OSBPL1A: variants seen among roughly 807,000 people sequenced by gnomAD.
OSBPL1A encodes the protein oxysterol binding protein like 1A.
A neutral mutation model predicts 137.1 loss-of-function variants in OSBPL1A; 80 were observed. The ratio of observed to expected loss-of-function variants is 0.58; its 90% confidence interval spans 0.49 to 0.70. The LOEUF (loss-of-function observed/expected upper bound fraction) is 0.70, where lower values mean the gene tolerates loss of function less well. OSBPL1A is among the 30% of genes least tolerant of loss of function. The pLI, the probability that OSBPL1A is intolerant of heterozygous loss-of-function variation, is 0.00. For missense variants in OSBPL1A, 970 were observed against 1,129.4 expected (o/e 0.86, Z 2.02); for synonymous variants, 365 against 389.7 (o/e 0.94, Z 0.75).
chr18:24,391,221 A>G (rs1907333942), intron 1 of OSBPL1A, among the ~76,000 whole-genome samples: 1 of 152,224 alleles, frequency 6.6e-6, no homozygotes, highest in South Asian at 2.1e-4. Context: ...CACTTAGATG[A>G]GACAGCTAAA....
chr18:24,229,565 G>A (rs2088202410), intron 16 of OSBPL1A, among the ~76,000 whole-genome samples: 1 of 152,116 alleles, frequency 6.6e-6, no homozygotes, highest in Non-Finnish European at 1.5e-5. Context: ...CGTTTCATGT[G>A]GAGACTCATG....
rs1023001970 is a variant in OSBPL1A at position 24,214,570 on chromosome 18, G to A, written c.1601+10472C>T. Among the ~76,000 whole-genome samples the A allele has an allele frequency of 3.9e-5, 6 of 152,174 alleles. No individual in the cohort carries two copies. In the East Asian group the frequency reaches 7.7e-4, roughly 20 times the overall value. On this transcript the variant is annotated intron_variant, in intron 17 of 27. Coordinates refer to ENST00000319481, the MANE Select transcript of OSBPL1A (RefSeq NM_080597.4). Reference sequence around the variant, plus strand: ...ACTTGAACACCTCCAGTTGGATTAGGAGGCTGATGGTAGCAGTAGGCTGTT... The same window carrying A: ...ACTTGAACACCTCCAGTTGGATTAGAAGGCTGATGGTAGCAGTAGGCTGTT...
chr18:24,262,611 C>G (rs2089466725), intron 15 of OSBPL1A, among the ~76,000 whole-genome samples: 1 of 152,064 alleles, frequency 6.6e-6, no homozygotes, highest in African/African-American at 2.4e-5. Flanking sequence ...TATACAATAC[C>G]TTTATGTTAA....
intron 16 of OSBPL1A, among the ~76,000 whole-genome samples, chr18:24,232,064 G>A (rs193279062): frequency 1.1e-4 from 16 of 152,214 alleles, no homozygotes; most frequent in East Asian, 3.9e-4. Context: ...TATTGTTTAC[G>A]GTTTCCCACG....
At chr18:24,244,117 C>T (rs1415036951) in intron 15 of OSBPL1A, among the ~76,000 whole-genome samples, 1 of 152,186 alleles carries the variant, frequency 6.6e-6, no homozygotes, top group East Asian at 1.9e-4. Flanking sequence ...ATTCACCTTA[C>T]TTTTGAACTG....
At chr18:24,359,164 G>C (rs1024010561) in intron 4 of OSBPL1A, among the ~76,000 whole-genome samples, 1 of 152,114 alleles carries the variant, frequency 6.6e-6, no homozygotes, top group African/African-American at 2.4e-5. Context: ...GTTGCAGTGA[G>C]CTGAGATTGC....
At chr18:24,368,546 A>G (rs537301315) in intron 2 of OSBPL1A, 174 bp from the exon 3 acceptor site, 1 of 564,606 alleles carries the variant, frequency 1.8e-6, no homozygotes. Context: ...GAGAACTCAC[A>G]AGGTGCAGAT....
chr18:24,376,965 C>T lies in OSBPL1A; in HGVS notation c.121+448G>A, dbSNP rs539795362. The stretch of plus-strand genomic sequence containing the variant: ...GCAGCCCTGGTTCCCGCTAGCGCCT[C>T]TCCTTCCACACCTCCCTGCAAGCCG... On this transcript the variant is annotated intron_variant, in intron 2 of 27. Transcript: ENST00000319481. Among the ~76,000 whole-genome samples the T allele has an allele frequency of 4.6e-3, 707 of 152,352 alleles. 4 individuals carry two copies. The highest frequency in any genetic ancestry group is 0.016 in the African/African-American group (677 of 41,586).
Position 24,317,171 on chromosome 18 carries a change from T to G in OSBPL1A, c.848A>C (p.His283Pro). The part of the protein sequence containing the change: ...VHNIYRQGCK[H>P]LTQAVCTVKS... ...TACCGTGCATACTGCTTGAGTCAGGTGTTTGCATCCCTGGCGATAAATATT... is the reference window on the plus strand; with the variant it reads ...TACCGTGCATACTGCTTGAGTCAGGGGTTTGCATCCCTGGCGATAAATATT... Residue 283 changes from histidine to proline, a missense_variant, in exon 11 of 28, where the codon CAC becomes CCC. By Grantham distance (77) the His-to-Pro change is moderately conservative. Around this residue, in one of 2 missense-constraint regions of OSBPL1A, gnomAD observed 647 missense variants for 672.6 expected, o/e 0.96. Coordinates refer to ENST00000319481, the MANE Select transcript of OSBPL1A (RefSeq NM_080597.4). 1 of 1,613,932 alleles carries G rather than the reference T, an allele frequency of 6.2e-7. No individual in the cohort carries two copies. Among genetic ancestry groups the G allele is most frequent in the East Asian group, 2.2e-5 (1 of 44,838 alleles).
intron 15 of OSBPL1A, among the ~76,000 whole-genome samples, chr18:24,273,800 G>A (rs1049919831): frequency 5.3e-5 from 8 of 152,166 alleles, no homozygotes. Context: ...TAGTTTTGAA[G>A]GGTGGAGCCT....
intron 18 of OSBPL1A, among the ~76,000 whole-genome samples, chr18:24,192,339 G>T (rs1567934221): frequency 6.6e-6 from 1 of 152,138 alleles, no homozygotes; most frequent in Non-Finnish European, 1.5e-5. Context: ...GGATTAAAGA[G>T]TCCTGTGACA....
At chr18:24,334,587 G>C (rs373494429) in intron 5 of OSBPL1A, among the ~76,000 whole-genome samples, 1 of 152,068 alleles carries the variant, frequency 6.6e-6, no homozygotes, top group African/African-American at 2.4e-5. Flanking sequence ...ACTAATTATG[G>C]ATTACTTTTA....
chr18:24,389,066 G>T (rs547369904), intron 1 of OSBPL1A, among the ~76,000 whole-genome samples: 1 of 152,070 alleles, frequency 6.6e-6, no homozygotes, highest in Admixed American at 6.6e-5. Flanking sequence ...CCAGAAAAGC[G>T]CTTTGTCTCT....
At chr18:24,363,500 A>G (rs2909282) in intron 4 of OSBPL1A, among the ~76,000 whole-genome samples, 22,277 of 142,706 alleles carry the variant, frequency 0.16, 2,570 homozygotes, top group African/African-American at 0.34. Flanking sequence ...AGGCTGGAAT[A>G]CAGTGGCACA....
intron 4 of OSBPL1A, among the ~76,000 whole-genome samples, chr18:24,347,079 G>A (rs548377010): frequency 6.6e-6 from 1 of 151,492 alleles, no homozygotes; most frequent in African/African-American, 2.4e-5. Flanking sequence ...GAATTATGCT[G>A]CTATGAATGT....
chr18:24,191,228 A>G (rs1454870602), intron 18 of OSBPL1A, among the ~76,000 whole-genome samples: 1 of 152,252 alleles, frequency 6.6e-6, no homozygotes, highest in African/African-American at 2.4e-5. Flanking sequence ...TTTTAGTAAC[A>G]CTGAAGGGAG....
At chr18:24,349,421 A>G (rs1019767597) in intron 4 of OSBPL1A, among the ~76,000 whole-genome samples, 4 of 152,232 alleles carry the variant, frequency 2.6e-5, no homozygotes, top group Admixed American at 2.6e-4. Context: ...TGCTATTAAA[A>G]AATGAACATC....
At chr18:24,331,845 G>C (rs1005435748) in intron 7 of OSBPL1A, among the ~76,000 whole-genome samples, 1 of 152,078 alleles carries the variant, frequency 6.6e-6, no homozygotes, top group African/African-American at 2.4e-5. Context: ...AAATTCACTT[G>C]TAATCCCAAG....
chr18:24,267,484 T>C (rs991443376), intron 15 of OSBPL1A, among the ~76,000 whole-genome samples: 1 of 151,844 alleles, frequency 6.6e-6, no homozygotes, highest in Admixed American at 6.6e-5. Flanking sequence ...AAAAAGAAAA[T>C]TACAAGTCAA....
Sources: gnomAD v4.1 joint callset for allele counts (sites outside exome capture counted in the v4.1 genomes callset) on GRCh38, gnomAD v4.1.1 for gene constraint, gnomAD v4.1.1 regional missense constraint, MANE v1.5 for transcripts, NCBI Gene and HGNC (gene_info 2026-07-23, HGNC 2026-07-21) for gene names.